Variants in RBFOX1 observed in about 807,000 individuals in gnomAD.
The protein encoded by RBFOX1 is RNA binding fox-1 homolog 1, also known as RNA binding protein fox-1 homolog 1.
A neutral mutation model predicts 57.7 loss-of-function variants in RBFOX1; 8 were observed. The observed-to-expected ratio is 0.14, with a 90% CI of 0.08 to 0.25. The LOEUF (loss-of-function observed/expected upper bound fraction) is 0.25, where lower values mean the gene tolerates loss of function less well. Among genes scored for constraint, RBFOX1 ranks in the 10% least tolerant of loss-of-function variants. The probability of loss-of-function intolerance (pLI) is 1.00; values close to 1 mark genes in which losing one functional copy is unlikely to be tolerated. For missense variants in RBFOX1, 611 were observed against 548.5 expected (o/e 1.11, Z -1.14); for synonymous variants, 326 against 222.4 (o/e 1.47, Z -4.15).
intron 4 of RBFOX1, among the ~76,000 whole-genome samples, chr16:5,978,254 C>A (rs1269441415): frequency 1.3e-5 from 2 of 150,154 alleles, no homozygotes; most frequent in East Asian, 2.0e-4. Flanking sequence ...TTGGAGGCTG[C>A]AGTGAGCTAT....
intron 2 of RBFOX1, among the ~76,000 whole-genome samples, chr16:5,511,193 T>A (rs1318671646): frequency 6.6e-6 from 1 of 152,224 alleles, no homozygotes; most frequent in Non-Finnish European, 1.5e-5. Flanking sequence ...CTAGTGATTC[T>A]TGCCCCAAGA....
intron 4 of RBFOX1, among the ~76,000 whole-genome samples, chr16:7,216,092 A>G (rs543258451): frequency 6.6e-6 from 1 of 152,254 alleles, no homozygotes; most frequent in East Asian, 1.9e-4. Flanking sequence ...ACTTAGCATA[A>G]TGCTTACGGG....
At chr16:6,481,099 AC>A (rs1192912197) in intron 2 of RBFOX1, among the ~76,000 whole-genome samples, 2 of 152,204 alleles carry the variant, frequency 1.3e-5, no homozygotes, top group Admixed American at 6.5e-5. Flanking sequence ...TTTAATAGGT[AC>A]TAGTAAATCA....
chr16:7,540,891 G>A (rs1012081091), intron 5 of RBFOX1, among the ~76,000 whole-genome samples: 3 of 152,154 alleles, frequency 2.0e-5, no homozygotes, highest in African/African-American at 4.8e-5. Context: ...GGCCAAGGCT[G>A]GATTCATCCC....
intron 4 of RBFOX1, among the ~76,000 whole-genome samples, chr16:7,484,348 C>G (rs149228446): frequency 0.01 from 1,599 of 152,294 alleles, 13 homozygotes; most frequent in Non-Finnish European, 0.015. Context: ...ATAAATCCTT[C>G]AAAGTAGAAA....
intron 3 of RBFOX1, among the ~76,000 whole-genome samples, chr16:5,695,328 A>G (rs1489070593): frequency 6.6e-6 from 1 of 152,144 alleles, no homozygotes; most frequent in East Asian, 1.9e-4. Flanking sequence ...ATCAGGGCAA[A>G]TATTTTATAA....
chr16:6,147,926 G>C (rs986555575), intron 1 of RBFOX1, among the ~76,000 whole-genome samples: 1 of 152,130 alleles, frequency 6.6e-6, no homozygotes, highest in Non-Finnish European at 1.5e-5. Flanking sequence ...CTTGCCTTCA[G>C]TCCCAGCTCT....
intron 4 of RBFOX1, among the ~76,000 whole-genome samples, chr16:7,200,999 G>C (rs1026149453): frequency 2.0e-5 from 3 of 152,132 alleles, no homozygotes; most frequent in African/African-American, 7.2e-5. Flanking sequence ...TCTATATTTT[G>C]TTTAAGCCAC....
At chr16:6,331,565 AAT>A (rs2083034360) in intron 2 of RBFOX1, among the ~76,000 whole-genome samples, 1 of 147,036 alleles carries the variant, frequency 6.8e-6, no homozygotes, top group South Asian at 2.2e-4. Flanking sequence ...ATATGTATAT[AAT>A]ATGTGTGTGT....
intron 4 of RBFOX1, among the ~76,000 whole-genome samples, chr16:7,330,858 GAC>G (rs2096681217): frequency 2.0e-5 from 3 of 152,142 alleles, no homozygotes; most frequent in Admixed American, 2.0e-4. Flanking sequence ...AGACGGGAGA[GAC>G]ACGTCCGTCT....
intron 1 of RBFOX1, among the ~76,000 whole-genome samples, chr16:6,289,112 A>G (rs146849903): frequency 6.6e-6 from 1 of 152,170 alleles, no homozygotes; most frequent in South Asian, 2.1e-4. Flanking sequence ...TATTTCTGGA[A>G]TAAAAAGGGA....
chr16:7,056,262 C>G (rs1312881641), intron 4 of RBFOX1, among the ~76,000 whole-genome samples: 1 of 152,174 alleles, frequency 6.6e-6, no homozygotes, highest in Non-Finnish European at 1.5e-5. Flanking sequence ...ACTTACATCG[C>G]TCGGTTGTTA....
In RBFOX1 at chr16:7,336,424, A is replaced by G. The variant is rs950554273; in HGVS notation, c.28-181723A>G. 2.6e-5 allele frequency among the ~76,000 whole-genome samples: 4 copies of G among 152,224 alleles called. No individual in the cohort carries two copies. The South Asian group carries it at 8.3e-4, about 31-fold the overall frequency. On this transcript the variant is annotated intron_variant, in intron 4 of 15. Transcript: ENST00000550418. ...TTCCCATTTCATCCAGGTCTGACAG[A>G]TGATGAGTCAGCAGATTATTTTCCT...
At chr16:6,648,385 G>A (rs2098550815) in intron 2 of RBFOX1, among the ~76,000 whole-genome samples, 1 of 151,816 alleles carries the variant, frequency 6.6e-6, no homozygotes, top group Non-Finnish European at 1.5e-5. Flanking sequence ...ACTTGCTGGG[G>A]TTGCAGACTC....
chr16:7,062,662 C>T (rs1212211764), intron 4 of RBFOX1, among the ~76,000 whole-genome samples: 1 of 152,130 alleles, frequency 6.6e-6, no homozygotes, highest in African/African-American at 2.4e-5. Flanking sequence ...TGAATTCTTT[C>T]TCCTGAGACT....
At chr16:7,254,715 T>A (rs2094609680) in intron 4 of RBFOX1, among the ~76,000 whole-genome samples, 2 of 152,282 alleles carry the variant, frequency 1.3e-5, no homozygotes, top group South Asian at 2.1e-4. Context: ...ATTTTTGCAA[T>A]TGTTATTATC....
chr16:6,015,553 C>G (rs559838596), upstream of RBFOX1, among the ~76,000 whole-genome samples: 3 of 152,324 alleles, frequency 2.0e-5, no homozygotes, highest in African/African-American at 7.2e-5. Context: ...CCAGCTTCTA[C>G]TCTCTTGGCT....
chr16:6,750,081 G>C (rs1312472059), intron 3 of RBFOX1, among the ~76,000 whole-genome samples: 1 of 152,150 alleles, frequency 6.6e-6, no homozygotes, highest in African/African-American at 2.4e-5. Context: ...GATTTCAGTC[G>C]AGGTGTATAG....
chr16:6,730,438 A>G (rs1349181559), intron 3 of RBFOX1, among the ~76,000 whole-genome samples: 2 of 23,658 alleles, frequency 8.5e-5, no homozygotes, highest in Non-Finnish European at 3.5e-3. Context: ...TATCTAATCT[A>G]TCAATTTATC....
Sources: gnomAD v4.1 joint callset for allele counts (sites outside exome capture counted in the v4.1 genomes callset) on GRCh38, gnomAD v4.1.1 for gene constraint, MANE v1.5 for transcripts, NCBI Gene and HGNC (gene_info 2026-07-23, HGNC 2026-07-21) for gene names.